Variants in SAMD12 observed in about 807,000 individuals in gnomAD.
The protein encoded by SAMD12 is sterile alpha motif domain containing 12.
In SAMD12, 9 loss-of-function variants were observed where a neutral mutation model predicts 15.0. The observed-to-expected ratio is 0.60, with a 90% CI of 0.36 to 1.05. The LOEUF (loss-of-function observed/expected upper bound fraction) is 1.05, where lower values mean the gene tolerates loss of function less well. Ranked by LOEUF, SAMD12 falls within the 50% of genes least tolerant of loss-of-function variation. The pLI, the probability that SAMD12 is intolerant of heterozygous loss-of-function variation, is 0.01. For missense variants in SAMD12, 230 were observed against 234.2 expected (o/e 0.98, Z 0.12); for synonymous variants, 86 against 90.1 (o/e 0.96, Z 0.25).
intron 1 of SAMD12, among the ~76,000 whole-genome samples, chr8:118,605,554 T>C (rs1827963223): frequency 6.6e-6 from 1 of 152,086 alleles, no homozygotes; most frequent in Admixed American, 6.6e-5. Context: ...TCTTACTCTC[T>C]CATTTACCAG....
At chr8:118,362,744 C>T (rs549565484) in intron 4 of SAMD12, among the ~76,000 whole-genome samples, 3 of 152,156 alleles carry the variant, frequency 2.0e-5, no homozygotes, top group Non-Finnish European at 4.4e-5. Context: ...TTTCTGTCCA[C>T]TCATTTATGC....
At chr8:118,160,890 C>T in the SAMD12 span, among the ~76,000 whole-genome samples, 1 of 152,216 alleles carries the variant, frequency 6.6e-6, no homozygotes, top group Admixed American at 6.5e-5. Context: ...GTGCTTCACC[C>T]ATTAAACTCA....
intron 2 of SAMD12, among the ~76,000 whole-genome samples, chr8:118,530,873 A>C (rs1825666460): frequency 6.6e-6 from 1 of 152,104 alleles, no homozygotes; most frequent in South Asian, 2.1e-4. Context: ...ACAGGGACTT[A>C]CTCTGTAGCC....
Position 118,379,554 on chromosome 8 carries a change from G to T in SAMD12, c.469C>A (p.Leu157Ile). 1 of 1,613,898 alleles carries T rather than the reference G, an allele frequency of 6.2e-7. No individual in the cohort carries two copies. The highest frequency in any genetic ancestry group is 8.5e-7 in the Non-Finnish European group (1 of 1,179,878). ...TCCATCCACCCATCAGGAAGCAATAGGGTACCTTGTGTGAGTAACTGTAGA... is the reference window on the plus strand; with the variant it reads ...TCCATCCACCCATCAGGAAGCAATATGGTACCTTGTGTGAGTAACTGTAGA... ...RNLQLLTQGT[L>I]LLPDGWMDGE... is the part of the protein sequence containing the mutation. Residue 157 changes from leucine to isoleucine, a missense_variant, in exon 4 of 4, where the codon CTA (leucine) becomes ATA (isoleucine). Leu to Ile is a conservative substitution (Grantham distance 5, BLOSUM62 2). Transcript: ENST00000314727.
At chr8:118,525,373 G>A (rs1042547561) in intron 2 of SAMD12, among the ~76,000 whole-genome samples, 3 of 151,930 alleles carry the variant, frequency 2.0e-5, no homozygotes, top group African/African-American at 7.3e-5. Flanking sequence ...CTTTTCCACG[G>A]CAATTATCAC....
chr8:118,607,926 T>G (rs993975265), intron 1 of SAMD12, among the ~76,000 whole-genome samples: 2 of 152,320 alleles, frequency 1.3e-5, no homozygotes, highest in Middle Eastern at 3.4e-3. Context: ...ACTAAGTCAA[T>G]GTACATAGTC....
chr8:118,588,664 T>C (rs1827508368), intron 1 of SAMD12, among the ~76,000 whole-genome samples: 1 of 152,182 alleles, frequency 6.6e-6, no homozygotes, highest in African/African-American at 2.4e-5. Flanking sequence ...GGCTGGCTCT[T>C]TGCAGAAAAA....
At chr8:118,346,997 G>A (rs147863197) in intron 4 of SAMD12, among the ~76,000 whole-genome samples, 26 of 152,246 alleles carry the variant, frequency 1.7e-4, no homozygotes, top group African/African-American at 3.1e-4. Context: ...CCGAATTCCC[G>A]GACTCATGGG....
At chr8:118,305,257 G>A (rs896868894) in intron 4 of SAMD12, among the ~76,000 whole-genome samples, 2 of 147,040 alleles carry the variant, frequency 1.4e-5, no homozygotes, top group Admixed American at 6.9e-5. Context: ...TTTATCCCAA[G>A]TAGAAACTCT....
intron 4 of SAMD12, among the ~76,000 whole-genome samples, chr8:118,205,687 C>CCCCTTGG (rs1819842553): frequency 6.6e-6 from 1 of 152,114 alleles, no homozygotes; most frequent in Non-Finnish European, 1.5e-5. Context: ...CACCCTCTCA[C>CCCCTTGG]CCCTTGGTGT....
At chr8:118,485,108 T>C (rs1026514752) in intron 2 of SAMD12, among the ~76,000 whole-genome samples, 1 of 152,182 alleles carries the variant, frequency 6.6e-6, no homozygotes, top group Non-Finnish European at 1.5e-5. Flanking sequence ...TGCTTTTTCA[T>C]AGCATAAATT....
chr8:118,317,080 A>G (rs552827881), intron 4 of SAMD12, among the ~76,000 whole-genome samples: 2 of 152,294 alleles, frequency 1.3e-5, no homozygotes, highest in East Asian at 3.9e-4. Flanking sequence ...AGGGAAGACC[A>G]TATGAGGACA....
chr8:118,349,790 A>G (rs1451687758), intron 4 of SAMD12, among the ~76,000 whole-genome samples: 1 of 152,188 alleles, frequency 6.6e-6, no homozygotes, highest in Non-Finnish European at 1.5e-5. Flanking sequence ...TCAGAGACTC[A>G]GGCAGTACCT....
In SAMD12 at chr8:118,319,598, T is replaced by C. The variant is rs79230786; in HGVS notation, c.433+59962A>G. 6.0e-3 allele frequency among the ~76,000 whole-genome samples: 921 copies of C among 152,294 alleles called. 9 individuals carry two copies. The highest frequency in any genetic ancestry group is 0.021 in the African/African-American group (874 of 41,552). On this transcript the variant is annotated intron_variant, in intron 4 of 4. Coordinates refer to the SAMD12 transcript ENST00000409003. Reference sequence around the variant, plus strand: ...AATTGATATTATGCTCCAACCCTTATACTTAGAATACCTGCTTCTCTCCCA... The same window carrying C: ...AATTGATATTATGCTCCAACCCTTACACTTAGAATACCTGCTTCTCTCCCA...
intron 2 of SAMD12, among the ~76,000 whole-genome samples, chr8:118,560,833 C>A (rs1045978756): frequency 6.6e-6 from 1 of 152,038 alleles, no homozygotes; most frequent in Non-Finnish European, 1.5e-5. Context: ...AGAGGAAAGA[C>A]TGCATTATCT....
chr8:118,268,169 A>T (rs141470868), intron 4 of SAMD12, among the ~76,000 whole-genome samples: 13 of 152,246 alleles, frequency 8.5e-5, no homozygotes, highest in Admixed American at 8.5e-4. Context: ...TTATTTTGGC[A>T]TATCTCTCCA....
chr8:118,566,375 A>C (rs1404901402), intron 2 of SAMD12, among the ~76,000 whole-genome samples: 1 of 152,094 alleles, frequency 6.6e-6, no homozygotes, highest in Non-Finnish European at 1.5e-5. Flanking sequence ...TTCAAACCTC[A>C]GTTGGTTTCC....
At chr8:118,444,145 G>T (rs539698936) in intron 2 of SAMD12, among the ~76,000 whole-genome samples, 3 of 152,042 alleles carry the variant, frequency 2.0e-5, no homozygotes, top group African/African-American at 7.2e-5. Flanking sequence ...ATAAAGCAAA[G>T]AAATAAAGCA....
intron 1 of SAMD12, among the ~76,000 whole-genome samples, chr8:118,616,808 A>G (rs1255638694): frequency 2.0e-5 from 3 of 152,182 alleles, no homozygotes; most frequent in Non-Finnish European, 4.4e-5. Flanking sequence ...GTGAGCAAGC[A>G]AGCATTACCA....
Sources: gnomAD v4.1 joint callset for allele counts (sites outside exome capture counted in the v4.1 genomes callset) on GRCh38, gnomAD v4.1.1 for gene constraint, MANE v1.5 for transcripts, NCBI Gene and HGNC (gene_info 2026-07-23, HGNC 2026-07-21) for gene names.